The following RYR2 variants were observed in gnomAD, a reference collection of about 807,000 sequenced individuals.
RYR2 encodes the protein ryanodine receptor 2.
A neutral mutation model predicts 601.1 loss-of-function variants in RYR2; 227 were observed. That is an observed-to-expected ratio of 0.38 (90% CI 0.34 to 0.42). The LOEUF is 0.42. RYR2 is among the 10% of genes least tolerant of loss of function. The pLI, the probability that RYR2 is intolerant of heterozygous loss-of-function variation, is 1.00. For missense variants in RYR2, 4,646 were observed against 6,156.5 expected, an observed-to-expected ratio of 0.75 and a Z score of 8.21; for synonymous variants, 2,223 against 2,175.1, an observed-to-expected ratio of 1.02 and a Z score of -0.61.
At chr1:237,234,135 T>G (rs950584225) in intron 1 of RYR2, among the ~76,000 whole-genome samples, 9 of 152,154 alleles carry the variant, frequency 5.9e-5, no homozygotes, top group African/African-American at 1.9e-4. Context: ...TTTCCTTGAT[T>G]ATTAGATTAT....
chr1:237,390,592 C>G (rs1424280005), intron 10 of RYR2, among the ~76,000 whole-genome samples: 1 of 152,118 alleles, frequency 6.6e-6, no homozygotes, highest in African/African-American at 2.4e-5. Flanking sequence ...TTGAGGGACT[C>G]TGGGCATATG....
chr1:237,281,912 A>G lies in RYR2; in HGVS notation c.168+11296A>G, dbSNP rs191339111. On this transcript the variant is annotated intron_variant, in intron 2 of 104. Coordinates refer to ENST00000366574, the MANE Select transcript of RYR2 (RefSeq NM_001035.3). ...GAGCTGAATTAAGTGAATGTTTGTG[A>G]AAAACTGAAAACTACACTTGGAGTA... Among the ~76,000 whole-genome samples, 771 of 152,300 alleles carry G rather than the reference A, an allele frequency of 5.1e-3. 6 individuals are homozygous for G. The highest frequency in any genetic ancestry group is 8.9e-3 in the Non-Finnish European group (602 of 68,018).
chr1:237,284,683 T>TACACACACAC (rs71180018), intron 2 of RYR2, among the ~76,000 whole-genome samples: 47,290 of 143,412 alleles, frequency 0.33, 9,849 homozygotes, highest in Admixed American at 0.45. Context: ...TATATATATG[T>TACACACACAC]ACACACACAC....
chr1:237,577,431 A>C (rs1425160769), intron 29 of RYR2, among the ~76,000 whole-genome samples: 1 of 151,972 alleles, frequency 6.6e-6, no homozygotes, highest in African/African-American at 2.4e-5. Context: ...AGATTAATTA[A>C]CCTGGATTAT....
chr1:237,659,083 T>A (rs1169906797), intron 54 of RYR2, among the ~76,000 whole-genome samples: 1 of 152,148 alleles, frequency 6.6e-6, no homozygotes, highest in Non-Finnish European at 1.5e-5. Flanking sequence ...GAAATGAAAA[T>A]CAGACACCAA....
At chr1:237,734,289 C>T (rs142851370) in intron 79 of RYR2, among the ~76,000 whole-genome samples, 21 of 152,098 alleles carry the variant, frequency 1.4e-4, no homozygotes, top group East Asian at 3.9e-4. Context: ...TCTTACATGG[C>T]GGCAAGAGAG....
intron 1 of RYR2, among the ~76,000 whole-genome samples, chr1:237,163,524 C>T (rs1359037178): frequency 3.3e-5 from 5 of 152,132 alleles, no homozygotes; most frequent in Admixed American, 3.3e-4. Context: ...ATGCACACAT[C>T]TGGGCGTACA....
At chr1:237,438,377 A>C (rs999006341) in intron 12 of RYR2, among the ~76,000 whole-genome samples, 13 of 152,146 alleles carry the variant, frequency 8.5e-5, no homozygotes, top group African/African-American at 2.4e-4. Flanking sequence ...CTTATTTTTG[A>C]CAGTATATTG....
At chr1:237,709,916 A>G (rs569392240) in intron 70 of RYR2, among the ~76,000 whole-genome samples, 2 of 152,290 alleles carry the variant, frequency 1.3e-5, no homozygotes, top group Admixed American at 1.3e-4. Flanking sequence ...GCAATTTCCA[A>G]CAATAACCCA....
At chr1:237,310,178 G>C (rs1037865562) in intron 2 of RYR2, among the ~76,000 whole-genome samples, 1 of 152,186 alleles carries the variant, frequency 6.6e-6, no homozygotes, top group Non-Finnish European at 1.5e-5. Flanking sequence ...GATTGGGAGC[G>C]CTTTTCTGTA....
chr1:237,778,677 T>C lies in RYR2; in HGVS notation c.11787T>C (p.Thr3929=), dbSNP rs1195606828. The change falls in exon 88 of 105, where the codon ACT becomes ACC. Residue 3929 remains threonine (T), a synonymous_variant. Transcript: ENST00000366574. ...TGTTTATGCTCCAGGGTCCTTGCACTGGGAATCAACAGAGTTTGGCACACA... is the reference window on the plus strand; with the variant it reads ...TGTTTATGCTCCAGGGTCCTTGCACCGGGAATCAACAGAGTTTGGCACACA... ...TLTEYIQGPC[T]GNQQSLAHSR... The C allele has an allele frequency of 1.9e-6, 3 of 1,597,870 alleles. No individual in the cohort carries two copies. The East Asian group carries it at 6.7e-5, about 36-fold the overall frequency.
chr1:237,685,227 T>C (rs1686276955), intron 62 of RYR2, among the ~76,000 whole-genome samples: 1 of 152,190 alleles, frequency 6.6e-6, no homozygotes, highest in South Asian at 2.1e-4. Context: ...CTAAAGCTTA[T>C]AATAATTAAT....
At chr1:237,808,336 G>A (rs1350427583) in intron 99 of RYR2, among the ~76,000 whole-genome samples, 1 of 152,064 alleles carries the variant, frequency 6.6e-6, no homozygotes, top group African/African-American at 2.4e-5. Context: ...CATTTTATTA[G>A]GAATGTAATT....
intron 1 of RYR2, among the ~76,000 whole-genome samples, chr1:237,119,642 G>A (rs1488672616): frequency 6.6e-6 from 1 of 152,140 alleles, no homozygotes; most frequent in African/African-American, 2.4e-5. Flanking sequence ...GTGGTAGCTG[G>A]TCTCATGGCC....
intron 2 of RYR2, among the ~76,000 whole-genome samples, chr1:237,313,118 A>G (rs1369214231): frequency 3.9e-5 from 6 of 152,062 alleles, no homozygotes. Flanking sequence ...CTTATTTTTA[A>G]TTTTAATTTT....
intron 100 of RYR2, among the ~76,000 whole-genome samples, chr1:237,818,156 A>G (rs1393400056): frequency 6.6e-6 from 1 of 152,144 alleles, no homozygotes; most frequent in African/African-American, 2.4e-5. Context: ...AGGATAAAAT[A>G]TTGGATGCTC....
intron 16 of RYR2, 111 bp downstream of exon 16, chr1:237,456,846 G>A: frequency 2.4e-6 from 3 of 1,237,470 alleles, no homozygotes; most frequent in Admixed American, 2.2e-5. Flanking sequence ...GGAGGCTGAG[G>A]TGGGAGGATC....
At chr1:237,553,444 A>G (rs1670596637) in intron 27 of RYR2, among the ~76,000 whole-genome samples, 1 of 151,980 alleles carries the variant, frequency 6.6e-6, no homozygotes, top group Non-Finnish European at 1.5e-5. Context: ...TCCTTAAGTT[A>G]ATATTCCATT....
Position 237,611,123 on chromosome 1 carries a change from T to C in RYR2, c.4910+135T>C, listed in dbSNP as rs1048712691. ...GAAATTTACAAAGATCTAAATTCTT[T>C]AGGCAATGGAGTCATTATTCTGCGT... On this transcript the variant is annotated intron_variant, in intron 36 of 104. Coordinates refer to ENST00000366574, the MANE Select transcript of RYR2 (RefSeq NM_001035.3). 5 of 684,958 alleles carry C rather than the reference T, an allele frequency of 7.3e-6. No homozygotes were observed. In the African/African-American group the frequency reaches 9.0e-5, roughly 12 times the overall value. 42.4% of individuals were successfully genotyped at this position (684,958 alleles called of 1,614,324 possible).
Sources: allele counts gnomAD v4.1 joint callset (sites outside exome capture counted in the v4.1 genomes callset), GRCh38; gene constraint gnomAD v4.1.1; transcripts MANE v1.5; gene names NCBI Gene and HGNC (gene_info 2026-07-23, HGNC 2026-07-21).